Variants in SLC35F3 observed in about 807,000 individuals in gnomAD.
SLC35F3 encodes solute carrier family 35 member F3, also known as putative thiamine transporter SLC35F3.
SLC35F3 carries 25 observed loss-of-function variants against 49.9 expected under a neutral mutation model. That is an observed-to-expected ratio of 0.50 (90% CI 0.37 to 0.70). SLC35F3 has a LOEUF of 0.70. Ranked by LOEUF, SLC35F3 falls within the 30% of genes least tolerant of loss-of-function variation. SLC35F3 has a pLI of 0.00. For missense variants in SLC35F3, 525 were observed against 639.8 expected, an observed-to-expected ratio of 0.82 and a Z score of 1.94; for synonymous variants, 275 against 265.4, an observed-to-expected ratio of 1.04 and a Z score of -0.35.
chr1:234,297,212 TG>T (rs1668611558), intron 3 of SLC35F3, among the ~76,000 whole-genome samples: 1 of 152,082 alleles, frequency 6.6e-6, no homozygotes, highest in Non-Finnish European at 1.5e-5. Flanking sequence ...GAAATGAAAA[TG>T]GGTACAGCCA....
At chr1:234,260,476 C>G (rs1227322744) in intron 3 of SLC35F3, among the ~76,000 whole-genome samples, 2 of 152,188 alleles carry the variant, frequency 1.3e-5, no homozygotes, top group African/African-American at 4.8e-5. Flanking sequence ...TGGGGTTTCT[C>G]TATATGAGTT....
At chr1:234,247,814 C>G (rs12077331) in intron 3 of SLC35F3, among the ~76,000 whole-genome samples, 17,024 of 128,778 alleles carry the variant, frequency 0.13, 4,326 homozygotes, top group African/African-American at 0.18. Context: ...TCCATTGTTT[C>G]ATGGGTCAGT....
chr1:233,933,193 G>A lies in SLC35F3; in HGVS notation c.283+27435G>A, dbSNP rs1290516569. On this transcript the variant is annotated intron_variant, in intron 2 of 7. Coordinates refer to ENST00000366618, the MANE Select transcript of SLC35F3 (RefSeq NM_173508.4). ...TGAAGCACAGTTGGTTCATTTAAAA[G>A]TTTTATCTATGTTAATTGCAAGTTT... Among the ~76,000 whole-genome samples, 5 of 152,068 alleles carry A rather than the reference G, an allele frequency of 3.3e-5. 1 individual carries two copies. The highest frequency in any genetic ancestry group is 3.3e-4 in the Admixed American group (5 of 15,260).
chr1:234,146,905 G>T (rs1318457352), intron 2 of SLC35F3, among the ~76,000 whole-genome samples: 1 of 152,134 alleles, frequency 6.6e-6, no homozygotes, highest in African/African-American at 2.4e-5. Flanking sequence ...GTGTCTTAGT[G>T]TGAAAAAACT....
chr1:234,271,898 G>A (rs1022821282), intron 3 of SLC35F3, among the ~76,000 whole-genome samples: 1 of 152,184 alleles, frequency 6.6e-6, no homozygotes, highest in Non-Finnish European at 1.5e-5. Flanking sequence ...GCGAAGGTGG[G>A]TGGATCGCTT....
intron 2 of SLC35F3, among the ~76,000 whole-genome samples, chr1:233,937,652 T>C (rs1662356130): frequency 1.3e-5 from 2 of 152,284 alleles, no homozygotes; most frequent in East Asian, 1.9e-4. Context: ...AAAAGGGAAG[T>C]GATGGGATTG....
chr1:233,963,662 AG>A (rs1441730543), intron 2 of SLC35F3, among the ~76,000 whole-genome samples: 3 of 152,170 alleles, frequency 2.0e-5, no homozygotes, highest in Non-Finnish European at 2.9e-5. Context: ...GGCAGGTGCC[AG>A]GGGTGAGGGC....
At chr1:233,972,283 G>C (rs1323525757) in intron 2 of SLC35F3, among the ~76,000 whole-genome samples, 1 of 152,204 alleles carries the variant, frequency 6.6e-6, no homozygotes, top group Non-Finnish European at 1.5e-5. Flanking sequence ...GGACTTATCT[G>C]AACATTAAAC....
intron 3 of SLC35F3, among the ~76,000 whole-genome samples, chr1:234,248,011 G>A (rs535648384): frequency 1.3e-5 from 2 of 152,390 alleles, no homozygotes; most frequent in African/African-American, 4.8e-5. Flanking sequence ...TCGTTGTTCG[G>A]TGGGTTGATT....
intron 3 of SLC35F3, among the ~76,000 whole-genome samples, chr1:234,260,453 C>G (rs1398196395): frequency 2.0e-5 from 3 of 152,148 alleles, no homozygotes; most frequent in Admixed American, 6.5e-5. Context: ...AGGCAGAAGT[C>G]ACCTGGGGAG....
intron 2 of SLC35F3, among the ~76,000 whole-genome samples, chr1:233,936,264 T>C (rs998395468): frequency 2.0e-5 from 3 of 152,204 alleles, no homozygotes; most frequent in Non-Finnish European, 4.4e-5. Context: ...GAGATGTTAT[T>C]GATATTTTGG....
chr1:234,075,783 G>A (rs1248429247), intron 2 of SLC35F3, among the ~76,000 whole-genome samples: 2 of 150,342 alleles, frequency 1.3e-5, no homozygotes, highest in East Asian at 2.0e-4. Context: ...TCCTAAGCAG[G>A]TAGCTACAGA....
At chr1:234,304,377 G>A (rs1668745425) in intron 3 of SLC35F3, among the ~76,000 whole-genome samples, 1 of 151,620 alleles carries the variant, frequency 6.6e-6, no homozygotes, top group African/African-American at 2.4e-5. Flanking sequence ...TGGCCAGGCT[G>A]GTCTTGAACT....
chr1:234,095,949 T>C (rs1161561769), intron 2 of SLC35F3, among the ~76,000 whole-genome samples: 2 of 152,220 alleles, frequency 1.3e-5, no homozygotes, highest in African/African-American at 4.8e-5. Flanking sequence ...TACTGTGCAA[T>C]GGGACATTTT....
At chr1:234,163,425 C>G (rs79852550) in intron 2 of SLC35F3, among the ~76,000 whole-genome samples, 2,100 of 152,190 alleles carry the variant, frequency 0.014, 60 homozygotes, top group African/African-American at 0.047. Flanking sequence ...CAAAGACAGA[C>G]GTCCTGTAGA....
At chr1:234,017,291 T>G (rs1163040730) in intron 2 of SLC35F3, among the ~76,000 whole-genome samples, 1 of 152,202 alleles carries the variant, frequency 6.6e-6, no homozygotes, top group Non-Finnish European at 1.5e-5. Context: ...AAAGTCATCA[T>G]GAACACTGAA....
chr1:233,944,249 A>T (rs777063582), intron 2 of SLC35F3, among the ~76,000 whole-genome samples: 1 of 152,218 alleles, frequency 6.6e-6, no homozygotes, highest in Admixed American at 6.5e-5. Flanking sequence ...CAAATCCAGG[A>T]GTTGTTTTTT....
intron 2 of SLC35F3, among the ~76,000 whole-genome samples, chr1:234,183,017 T>TTTTG (rs528367224): frequency 2.2e-5 from 3 of 137,806 alleles, no homozygotes; most frequent in African/African-American, 7.4e-5. Context: ...GCTTAAGACT[T>TTTTG]TTTGTTTGTT....
intron 3 of SLC35F3, among the ~76,000 whole-genome samples, chr1:234,270,540 C>T (rs1668081763): frequency 6.6e-6 from 1 of 152,190 alleles, no homozygotes; most frequent in South Asian, 2.1e-4. Flanking sequence ...CAGAATGCAG[C>T]TTTTAGACCA....
Sources: gnomAD v4.1 joint callset for allele counts (sites outside exome capture counted in the v4.1 genomes callset) on GRCh38, gnomAD v4.1.1 for gene constraint, MANE v1.5 for transcripts, NCBI Gene and HGNC (gene_info 2026-07-23, HGNC 2026-07-21) for gene names.